FREM1: variants seen among roughly 807,000 people sequenced by gnomAD.
FREM1 encodes FRAS1 related extracellular matrix 1.
Under a neutral mutation model 210.1 loss-of-function variants are expected in FREM1, and 220 were observed. The ratio of observed to expected loss-of-function variants is 1.05; its 90% CI spans 0.94 to 1.17. The LOEUF is 1.17. FREM1 is among the 50% of genes most tolerant of loss of function. FREM1 has a pLI of 0.00. For synonymous variants in FREM1, 1,189 were observed against 980.2 expected, an observed-to-expected ratio of 1.21 and a Z score of -3.98; for missense variants, 3,454 against 2,675.5, an observed-to-expected ratio of 1.29 and a Z score of -6.42.
chr9:14,792,073 G>A (rs1318740248), intron 22 of FREM1, among the ~76,000 whole-genome samples: 3 of 152,142 alleles, frequency 2.0e-5, no homozygotes, highest in Non-Finnish European at 4.4e-5. Context: ...TTGATCTCCT[G>A]ACCTTGTGAT....
intron 2 of FREM1, 92 bp downstream of exon 2, chr9:14,868,652 G>T: frequency 2.5e-6 from 2 of 810,532 alleles, no homozygotes; most frequent in Non-Finnish European, 4.1e-6. Flanking sequence ...CTTGAGGGGA[G>T]ACATTTTACA....
At chr9:14,863,198 G>A (rs547401882) in intron 3 of FREM1, among the ~76,000 whole-genome samples, 11 of 151,834 alleles carry the variant, frequency 7.2e-5, no homozygotes, top group Non-Finnish European at 8.8e-5. Flanking sequence ...CAAATTAGCC[G>A]GGCGTAGTGG....
chr9:14,851,420 G>T lies in FREM1; in HGVS notation c.1016C>A (p.Ala339Asp), dbSNP rs112925329. ...KPLLVFNITK[A>D]PLQGYVTHLL... Reference sequence around the variant, plus strand: ...GTGAGTCACATAGCCCTGGAGCGGGGCTTTAGTAATGTTGAACACCAGCAA... The same window carrying T: ...GTGAGTCACATAGCCCTGGAGCGGGTCTTTAGTAATGTTGAACACCAGCAA... Residue 339 changes from alanine to aspartate, a missense_variant, in exon 6 of 37, where the codon GCC becomes GAC. Ala to Asp is a moderately radical substitution (Grantham distance 126). Transcript: ENST00000380880. The T allele has an allele frequency of 6.2e-7, 1 of 1,613,948 alleles. No individual in the cohort carries two copies. The highest frequency in any genetic ancestry group is 1.1e-5 in the South Asian group (1 of 91,076).
At chr9:14,864,674 T>C (rs545885992) in intron 2 of FREM1, among the ~76,000 whole-genome samples, 1 of 152,318 alleles carries the variant, frequency 6.6e-6, no homozygotes, top group South Asian at 2.1e-4. Flanking sequence ...ACCCATATCA[T>C]GCCCTTCATT....
rs991348260 is a variant in FREM1, at chr9:14,737,303, C to A, written c.*93G>T. The stretch of plus-strand genomic sequence containing the variant: ...AATCACAAAGGTATACCCACTCAAT[C>A]ATAACAATTTGTTTTCTATGGAGCA... On this transcript the variant is annotated 3_prime_UTR_variant, in exon 37 of 37. Coordinates refer to ENST00000380880, the MANE Select transcript of FREM1 (RefSeq NM_001379081.2). 5 of 886,472 alleles carry A rather than the reference C, an allele frequency of 5.6e-6. No individual in the cohort carries two copies. The highest frequency in any genetic ancestry group is 1.7e-5 in the African/African-American group (1 of 59,834). The allele number at this position is 886,472 out of a possible 1,614,324, so 54.9% of individuals were successfully genotyped here.
intron 4 of FREM1, 80 bp from the exon 5 acceptor site, chr9:14,857,829 G>T: frequency 1.0e-6 from 1 of 972,036 alleles, no homozygotes; most frequent in Non-Finnish European, 1.5e-6. Flanking sequence ...TCCGTCCCAT[G>T]AATACTTATT....
chr9:14,765,242 G>A (rs1243569088), intron 27 of FREM1, among the ~76,000 whole-genome samples: 4 of 152,144 alleles, frequency 2.6e-5, no homozygotes, highest in African/African-American at 9.7e-5. Context: ...GAACACCTGT[G>A]TTTTCATTTT....
At chr9:14,770,153 C>T (rs1055358316) in intron 26 of FREM1, among the ~76,000 whole-genome samples, 4 of 152,024 alleles carry the variant, frequency 2.6e-5, no homozygotes, top group African/African-American at 9.7e-5. Context: ...TTGGTGCCAT[C>T]CTGTTTAATG....
At position 14,863,817 on chromosome 9, in the gene FREM1, T is replaced by C. The variant is rs778789441; in HGVS notation, c.321A>G (p.Arg107=). The change falls in exon 3 of 37, where the codon AGA becomes AGG. Residue 107 remains arginine, a synonymous_variant. Coordinates refer to ENST00000380880, the MANE Select transcript of FREM1 (RefSeq NM_001379081.2). ...PILDEDTVKL[R]LYRFTERDTF... ...GTTCCCGTGCCGCTTACCTGTAAAG[T>C]CTGAGCTTCACTGTGTCTTCATCAA... 6.2e-7 allele frequency: 1 copy of C among 1,608,202 alleles called. No homozygotes were observed. The highest frequency in any genetic ancestry group is 8.5e-7 in the Non-Finnish European group (1 of 1,174,704).
chr9:14,779,957 G>C (rs373311429), intron 24 of FREM1, among the ~76,000 whole-genome samples: 23 of 152,168 alleles, frequency 1.5e-4, no homozygotes, highest in Non-Finnish European at 2.6e-4. Flanking sequence ...GAGAGGGACA[G>C]AATGAATGGT....
intron 21 of FREM1, among the ~76,000 whole-genome samples, chr9:14,795,455 G>A (rs1470396135): frequency 6.6e-6 from 1 of 152,126 alleles, no homozygotes; most frequent in Non-Finnish European, 1.5e-5. Context: ...AGATACTGGA[G>A]GAAAAAATAA....
intron 21 of FREM1, 96 bp from the exon 22 acceptor site, chr9:14,792,980 C>T (rs1851688751): frequency 1.4e-6 from 1 of 726,250 alleles, no homozygotes; most frequent in African/African-American, 1.8e-5. Context: ...CAATCTTCAA[C>T]AATTAAGGAA....
At chr9:14,792,646 T>A (rs1851627715) in intron 22 of FREM1, 97 bp downstream of exon 22, 1 of 926,838 alleles carries the variant, frequency 1.1e-6, no homozygotes, top group Non-Finnish European at 1.5e-6. Flanking sequence ...CAAATATATG[T>A]CTATCAGAGA....
chr9:14,863,869 T>A lies in FREM1; in HGVS notation c.269A>T (p.Lys90Met), dbSNP rs376440201. Residue 90 changes from lysine to methionine, a missense_variant, in exon 3 of 37, where the codon AAG becomes ATG. Physicochemically the swap from Lys to Met is moderately conservative, Grantham distance 95 (BLOSUM62 -1). Coordinates refer to ENST00000380880, the MANE Select transcript of FREM1 (RefSeq NM_001379081.2). ...AATTGGACAACCATTGTGAACATACTTGACTTCGTTGGGAAGGAAATGGCA... is the reference window on the plus strand; with the variant it reads ...AATTGGACAACCATTGTGAACATACATGACTTCGTTGGGAAGGAAATGGCA... ...FDCHFLPNEV[K>M]YVHNGCPILD... 38 of 1,612,994 alleles carry A rather than the reference T, an allele frequency of 2.4e-5. No individual in the cohort carries two copies. The highest frequency in any genetic ancestry group is 2.9e-5 in the Non-Finnish European group (34 of 1,179,144).
chr9:14,830,414 C>T (rs1477076307), intron 10 of FREM1, among the ~76,000 whole-genome samples: 1 of 152,122 alleles, frequency 6.6e-6, no homozygotes, highest in Non-Finnish European at 1.5e-5. Flanking sequence ...CTACTGTTTG[C>T]CTGGGATTGG....
intron 9 of FREM1, among the ~76,000 whole-genome samples, 182 bp downstream of exon 9, chr9:14,842,134 T>C (rs1031561553): frequency 4.6e-5 from 7 of 152,232 alleles, no homozygotes; most frequent in Admixed American, 2.6e-4. Context: ...TCAAATTAAC[T>C]TTCCTAAATC....
chr9:14,901,849 G>C lies in FREM1; in HGVS notation c.-268+8065C>G, dbSNP rs775501312. On this transcript the variant is annotated intron_variant, in intron 1 of 36. Coordinates refer to ENST00000380880, the MANE Select transcript of FREM1 (RefSeq NM_001379081.2). ...TTGACTTTATGGGGTTGTGAAGATA[G>C]TTTTTATGTATTTTTTTTAAGAGAT... Among the ~76,000 whole-genome samples, 182 of 152,128 alleles carry C rather than the reference G, an allele frequency of 1.2e-3. 1 individual carries two copies. The highest frequency in any genetic ancestry group is 2.1e-3 in the Non-Finnish European group (144 of 67,984).
At chr9:14,803,955 G>C (rs1331786468) in intron 19 of FREM1, among the ~76,000 whole-genome samples, 2 of 152,090 alleles carry the variant, frequency 1.3e-5, no homozygotes, top group African/African-American at 4.8e-5. Flanking sequence ...CTTCTTCATA[G>C]AGCTTGACTA....
chr9:14,755,771 C>T (rs1844230402), intron 29 of FREM1, among the ~76,000 whole-genome samples: 2 of 152,188 alleles, frequency 1.3e-5, no homozygotes, highest in Admixed American at 1.3e-4. Flanking sequence ...CTTTTGGGTC[C>T]CAGTGCACTA....
Sources: allele counts gnomAD v4.1 joint callset (sites outside exome capture counted in the v4.1 genomes callset), GRCh38; gene constraint gnomAD v4.1.1; transcripts MANE v1.5; gene names NCBI Gene and HGNC (gene_info 2026-07-23, HGNC 2026-07-21).